TRPM3: variants seen among roughly 807,000 people sequenced by gnomAD.
TRPM3 encodes long transient receptor potential channel 3.
A neutral mutation model predicts 181.2 loss-of-function variants in TRPM3; 77 were observed. The ratio of observed to expected loss-of-function variants is 0.42; its 90% confidence interval spans 0.35 to 0.51. The LOEUF is 0.51. TRPM3 is among the 20% of genes least tolerant of loss of function. TRPM3 has a pLI of 0.01. For missense variants in TRPM3, 1,759 were observed against 2,196.7 expected (o/e 0.80, Z 3.98); for synonymous variants, 745 against 796.4 (o/e 0.94, Z 1.09).
chr9:71,321,462 A>G (rs1406394645), intron 1 of TRPM3, among the ~76,000 whole-genome samples: 1 of 152,202 alleles, frequency 6.6e-6, no homozygotes, highest in African/African-American at 2.4e-5. Context: ...CAGAAAAATC[A>G]GCAACATGAA....
At chr9:71,268,385 AT>A (rs1218049858) in intron 1 of TRPM3, among the ~76,000 whole-genome samples, 1 of 152,006 alleles carries the variant, frequency 6.6e-6, no homozygotes. Flanking sequence ...GTCTCAAAAA[AT>A]AATAATAATA....
chr9:70,635,647 G>A (rs936607090), intron 11 of TRPM3, among the ~76,000 whole-genome samples: 4 of 150,168 alleles, frequency 2.7e-5, no homozygotes, highest in African/African-American at 7.3e-5. Flanking sequence ...TTTTTTTAAA[G>A]ATGGGGGTCT....
intron 1 of TRPM3, among the ~76,000 whole-genome samples, chr9:71,005,934 C>T (rs931446366): frequency 6.6e-6 from 1 of 151,900 alleles, no homozygotes; most frequent in Non-Finnish European, 1.5e-5. Context: ...TGAAGACTAA[C>T]AGATAAAATT....
intron 9 of TRPM3, among the ~76,000 whole-genome samples, chr9:70,648,064 A>G (rs2059132356): frequency 6.6e-6 from 1 of 152,192 alleles, no homozygotes; most frequent in South Asian, 2.1e-4. Flanking sequence ...CAAATGGAAA[A>G]ACATTACATG....
chr9:70,668,694 AAAAG>A (rs2062311373), intron 9 of TRPM3, among the ~76,000 whole-genome samples: 2 of 150,928 alleles, frequency 1.3e-5, no homozygotes, highest in Admixed American at 6.6e-5. Flanking sequence ...AAAAAAAAAA[AAAAG>A]AAACATAGTA....
chr9:70,765,567 G>A (rs2078948104), intron 7 of TRPM3, among the ~76,000 whole-genome samples: 1 of 152,108 alleles, frequency 6.6e-6, no homozygotes, highest in African/African-American at 2.4e-5. Context: ...ACTCCAGCCT[G>A]GGCAGCAAAG....
chr9:70,923,934 A>T (rs2096691193), intron 1 of TRPM3, among the ~76,000 whole-genome samples: 1 of 147,218 alleles, frequency 6.8e-6, no homozygotes, highest in Non-Finnish European at 1.5e-5. Context: ...ACACACATAT[A>T]TACATATATA....
intron 1 of TRPM3, among the ~76,000 whole-genome samples, chr9:70,926,697 ATTTGT>A (rs2096724948): frequency 6.6e-6 from 1 of 152,268 alleles, no homozygotes; most frequent in East Asian, 1.9e-4. Flanking sequence ...AGGCCTTGAG[ATTTGT>A]TTTAATTATT....
rs1001416411 is a variant in TRPM3, at chr9:71,239,219, A to G, written c.183+207434T>C. Among the ~76,000 whole-genome samples, 4 of 152,202 alleles carry G rather than the reference A, an allele frequency of 2.6e-5. 1 individual carries two copies. The highest frequency in any genetic ancestry group is 2.4e-5 in the African/African-American group (1 of 41,452). ...ATTTCCCAAGCCAAAATAGAAGAACAAGTTTACTAGTACAATTTTTGCTGT... is the reference window on the plus strand; with the variant it reads ...ATTTCCCAAGCCAAAATAGAAGAACGAGTTTACTAGTACAATTTTTGCTGT... On this transcript the variant is annotated intron_variant, in intron 1 of 24. Transcript: ENST00000357533.
At chr9:71,023,803 A>T (rs916365313) in intron 1 of TRPM3, among the ~76,000 whole-genome samples, 4 of 152,178 alleles carry the variant, frequency 2.6e-5, no homozygotes, top group African/African-American at 9.7e-5. Context: ...AGAACAGATT[A>T]GTGGCCACTA....
intron 1 of TRPM3, among the ~76,000 whole-genome samples, chr9:71,179,645 G>GT (rs1369231230): frequency 1.3e-5 from 2 of 152,260 alleles, no homozygotes; most frequent in Non-Finnish European, 2.9e-5. Context: ...CAGACTCCAT[G>GT]TTTTTTCTGA....
At chr9:71,287,038 ATT>A (rs2085354723) in intron 1 of TRPM3, among the ~76,000 whole-genome samples, 1 of 142,252 alleles carries the variant, frequency 7.0e-6, no homozygotes, top group Non-Finnish European at 1.5e-5. Flanking sequence ...TATATAACAT[ATT>A]GTATTATATA....
intron 1 of TRPM3, among the ~76,000 whole-genome samples, chr9:71,440,739 A>G (rs1212758705): frequency 1.3e-5 from 2 of 152,266 alleles, no homozygotes; most frequent in East Asian, 1.9e-4. Context: ...AGTGTTCAAC[A>G]AAAGTTAGAT....
chr9:70,831,962 A>AATATGTATATAT (rs2093930085), intron 5 of TRPM3, among the ~76,000 whole-genome samples: 1 of 64,254 alleles, frequency 1.6e-5, no homozygotes, highest in Admixed American at 1.8e-4. Flanking sequence ...GTACCCCATA[A>AATATGTATATAT]ATATATATAT....
At chr9:71,035,940 C>T (rs183368349) in intron 1 of TRPM3, among the ~76,000 whole-genome samples, 2 of 142,504 alleles carry the variant, frequency 1.4e-5, no homozygotes, top group Non-Finnish European at 3.0e-5. Context: ...ACTGAATTTA[C>T]TGTACACCAT....
chr9:70,771,765 G>A (rs1372030338), intron 7 of TRPM3, among the ~76,000 whole-genome samples: 3 of 152,152 alleles, frequency 2.0e-5, no homozygotes, highest in Non-Finnish European at 4.4e-5. Flanking sequence ...TAATCAAGGT[G>A]CAGAAGACAG....
At chr9:70,888,044 T>C (rs748897841) in intron 1 of TRPM3, among the ~76,000 whole-genome samples, 1 of 152,212 alleles carries the variant, frequency 6.6e-6, no homozygotes, top group East Asian at 1.9e-4. Context: ...AGCAGCCTAT[T>C]TCCCACGGAT....
intron 1 of TRPM3, among the ~76,000 whole-genome samples, chr9:71,373,766 TACTC>T (rs1219306147): frequency 2.0e-5 from 3 of 152,136 alleles, no homozygotes; most frequent in Non-Finnish European, 4.4e-5. Flanking sequence ...ACTCTTCCCT[TACTC>T]AATCTATAAA....
chr9:70,973,876 T>C (rs978800029), intron 1 of TRPM3, among the ~76,000 whole-genome samples: 2 of 152,242 alleles, frequency 1.3e-5, no homozygotes, highest in African/African-American at 2.4e-5. Context: ...AAAGGCATGA[T>C]ACAACTTCTT....
Sources: gnomAD v4.1 joint callset for allele counts (sites outside exome capture counted in the v4.1 genomes callset) on GRCh38, gnomAD v4.1.1 for gene constraint, MANE v1.5 for transcripts, NCBI Gene and HGNC (gene_info 2026-07-23, HGNC 2026-07-21) for gene names.